Variants in ATRNL1 observed in about 807,000 individuals in gnomAD.
The protein encoded by ATRNL1 is attractin-like protein 1.
In ATRNL1, 95 loss-of-function variants were observed where a neutral mutation model predicts 182.7. The ratio of observed to expected loss-of-function variants is 0.52; its 90% CI spans 0.44 to 0.62. The LOEUF is 0.62. Ranked by LOEUF, ATRNL1 falls within the 20% of genes least tolerant of loss-of-function variation. The pLI, the probability that ATRNL1 is intolerant of heterozygous loss-of-function variation, is 0.00. For missense variants in ATRNL1, 1,471 were observed against 1,679.5 expected (o/e 0.88, Z 2.17); for synonymous variants, 576 against 568.3 (o/e 1.01, Z -0.19).
intron 19 of ATRNL1, among the ~76,000 whole-genome samples, chr10:115,350,346 G>GAAAAAAAAAAAAAAAAAAAAA (rs71010016): frequency 1.5e-5 from 1 of 66,376 alleles, no homozygotes; most frequent in Non-Finnish European, 2.6e-5. Flanking sequence ...AAAAAAAAAA[G>GAAAAAAAAAAAAAAAAAAAAA]AAAAAAAAAA....
intron 26 of ATRNL1, among the ~76,000 whole-genome samples, chr10:115,695,413 T>C (rs2133981966): frequency 6.6e-6 from 1 of 152,328 alleles, no homozygotes; most frequent in South Asian, 2.1e-4. Flanking sequence ...AACATTCTTT[T>C]TTTTGAAAGA....
chr10:115,230,913 G>GAGAGAGAGAGAGAA (rs1849914042), intron 9 of ATRNL1, among the ~76,000 whole-genome samples: 3 of 117,664 alleles, frequency 2.5e-5, no homozygotes, highest in African/African-American at 1.1e-4. Context: ...GAGAGAGAGA[G>GAGAGAGAGAGAGAA]AGAGAGAGAA....
At chr10:115,723,613 A>G (rs1947502700) in intron 26 of ATRNL1, among the ~76,000 whole-genome samples, 1 of 151,724 alleles carries the variant, frequency 6.6e-6, no homozygotes, top group African/African-American at 2.4e-5. Context: ...CAATGACGCA[A>G]TCTCAGCTCA....
At position 115,353,996 on chromosome 10, in the gene ATRNL1, T is replaced by G. The variant is rs116124610; in HGVS notation, c.3175+19577T>G. Reference sequence around the variant, plus strand: ...TAGATTTTTCTTTTGGTCCTCATGCTGAAAATGTAAGTGATTTACACACCA... The same window carrying G: ...TAGATTTTTCTTTTGGTCCTCATGCGGAAAATGTAAGTGATTTACACACCA... On this transcript the variant is annotated intron_variant, in intron 19 of 28. Coordinates refer to ENST00000355044, the MANE Select transcript of ATRNL1 (RefSeq NM_207303.4). Among the ~76,000 whole-genome samples the G allele has an allele frequency of 9.3e-3, 1,414 of 152,314 alleles. 27 individuals are homozygous for G. Among genetic ancestry groups the G allele is most frequent in the African/African-American group, 0.032 (1,331 of 41,578 alleles).
intron 4 of ATRNL1, among the ~76,000 whole-genome samples, chr10:115,128,888 A>G (rs184251064): frequency 6.6e-6 from 1 of 152,070 alleles, no homozygotes; most frequent in African/African-American, 2.4e-5. Context: ...TTCTTCAATA[A>G]CAGTGTATGG....
chr10:115,494,522 C>T lies in ATRNL1; in HGVS notation c.3655-24741C>T, dbSNP rs180825129. On this transcript the variant is annotated intron_variant, in intron 24 of 28. Coordinates refer to ENST00000355044, the MANE Select transcript of ATRNL1 (RefSeq NM_207303.4). Reference sequence around the variant, plus strand: ...TATTTCAAGGTATGTTCCTTCAATGCCTAGTTTGTTGAAGGTGTTAACATG... The same window carrying T: ...TATTTCAAGGTATGTTCCTTCAATGTCTAGTTTGTTGAAGGTGTTAACATG... Among the ~76,000 whole-genome samples, 12 of 152,176 alleles carry T rather than the reference C, an allele frequency of 7.9e-5. No homozygotes were observed. In the East Asian group the frequency reaches 1.9e-3, roughly 25 times the overall value.
chr10:115,805,638 T>C (rs1300909454), intron 27 of ATRNL1, among the ~76,000 whole-genome samples: 1 of 151,920 alleles, frequency 6.6e-6, no homozygotes, highest in Non-Finnish European at 1.5e-5. Context: ...ACCTTAAACT[T>C]GTCAGGGTTC....
At chr10:115,146,398 ATAG>A in intron 5 of ATRNL1, among the ~76,000 whole-genome samples, 1 of 152,122 alleles carries the variant, frequency 6.6e-6, no homozygotes, top group South Asian at 2.1e-4. Context: ...TGTTATCCGC[ATAG>A]AATGTGTAAT....
chr10:115,483,932 A>T (rs1554974674), intron 24 of ATRNL1, among the ~76,000 whole-genome samples: 1 of 151,580 alleles, frequency 6.6e-6, no homozygotes, highest in East Asian at 1.9e-4. Context: ...TGTTTGTGAG[A>T]CTGTAAGAAG....
At chr10:115,102,840 A>T (rs929254714) in intron 1 of ATRNL1, among the ~76,000 whole-genome samples, 1 of 152,198 alleles carries the variant, frequency 6.6e-6, no homozygotes, top group African/African-American at 2.4e-5. Flanking sequence ...CTGTTTGTCA[A>T]TTAAAAAAGT....
intron 18 of ATRNL1, among the ~76,000 whole-genome samples, chr10:115,326,620 C>T (rs1184707879): frequency 1.1e-4 from 16 of 151,686 alleles, no homozygotes; most frequent in African/African-American, 1.7e-4. Flanking sequence ...GAGCCCACAT[C>T]GCCAAGTCAA....
intron 10 of ATRNL1, among the ~76,000 whole-genome samples, chr10:115,247,803 A>T (rs76010554): frequency 0.015 from 2,239 of 152,318 alleles, 50 homozygotes; most frequent in African/African-American, 0.05. Flanking sequence ...GAATTTGAAA[A>T]ATGTGGTATA....
intron 19 of ATRNL1, among the ~76,000 whole-genome samples, chr10:115,370,438 A>G (rs1857332804): frequency 6.6e-6 from 1 of 152,220 alleles, no homozygotes; most frequent in Non-Finnish European, 1.5e-5. Context: ...AATGCTGATA[A>G]TGATATGGAC....
At chr10:115,719,515 G>A (rs557513393) in intron 26 of ATRNL1, among the ~76,000 whole-genome samples, 3 of 152,202 alleles carry the variant, frequency 2.0e-5, no homozygotes, top group African/African-American at 7.2e-5. Flanking sequence ...ACCAGGGATT[G>A]TCTATGCTGG....
intron 28 of ATRNL1, among the ~76,000 whole-genome samples, chr10:115,858,995 G>C (rs1951249550): frequency 6.6e-6 from 1 of 151,718 alleles, no homozygotes; most frequent in Non-Finnish European, 1.5e-5. Context: ...TTTGGTGTCT[G>C]GTAAGGGCCC....
intron 25 of ATRNL1, among the ~76,000 whole-genome samples, chr10:115,546,785 T>C (rs1852682404): frequency 6.6e-6 from 1 of 152,112 alleles, no homozygotes; most frequent in South Asian, 2.1e-4. Context: ...TGTCTCTAGA[T>C]ACACTGCCAG....
chr10:115,630,747 AAGATATATATTTAAT>A (rs1457077241), intron 26 of ATRNL1, among the ~76,000 whole-genome samples: 5 of 147,594 alleles, frequency 3.4e-5, no homozygotes, highest in East Asian at 1.9e-4. Context: ...ATCTATATTT[AAGATATATATTTAAT>A]AGATATATAT....
intron 28 of ATRNL1, among the ~76,000 whole-genome samples, chr10:115,903,537 G>A (rs1298827564): frequency 6.6e-6 from 1 of 152,142 alleles, no homozygotes; most frequent in Non-Finnish European, 1.5e-5. Context: ...CCCTGCTTCA[G>A]AACCTTACCT....
At chr10:115,458,347 A>G (rs1847627101) in intron 21 of ATRNL1, among the ~76,000 whole-genome samples, 1 of 152,170 alleles carries the variant, frequency 6.6e-6, no homozygotes, top group African/African-American at 2.4e-5. Flanking sequence ...TTTAAAAGGA[A>G]ACATTTTGTG....
Sources: gnomAD v4.1 joint callset for allele counts (sites outside exome capture counted in the v4.1 genomes callset) on GRCh38, gnomAD v4.1.1 for gene constraint, MANE v1.5 for transcripts, NCBI Gene and HGNC (gene_info 2026-07-23, HGNC 2026-07-21) for gene names.